Variants in CERS3 observed in about 807,000 individuals in gnomAD.
The protein encoded by CERS3 is LAG1 homolog, ceramide synthase 3.
A neutral mutation model predicts 50.3 loss-of-function variants in CERS3; 33 were observed. That is an observed-to-expected ratio of 0.66 (90% confidence interval 0.50 to 0.88). The LOEUF is 0.88. CERS3 is among the 40% of genes least tolerant of loss of function. CERS3 has a pLI of 0.00. For missense variants in CERS3, 470 were observed against 460.3 expected, an observed-to-expected ratio of 1.02 and a Z score of -0.19; for synonymous variants, 176 against 155.2, an observed-to-expected ratio of 1.13 and a Z score of -0.99.
At chr15:100,449,836 G>T (rs2034087830) in intron 11 of CERS3, among the ~76,000 whole-genome samples, 1 of 151,996 alleles carries the variant, frequency 6.6e-6, no homozygotes, top group African/African-American at 2.4e-5. Flanking sequence ...ACATAAAAAA[G>T]CAAGGAAATC....
chr15:100,523,484 A>G (rs901833510), intron 1 of CERS3, among the ~76,000 whole-genome samples: 44 of 152,136 alleles, frequency 2.9e-4, no homozygotes, highest in African/African-American at 9.9e-4. Context: ...AGCAGATCAC[A>G]AGGTCAGGAG....
chr15:100,402,983 A>C, intron 11 of CERS3, 118 bp from the exon 12 acceptor site: 3 of 983,900 alleles, frequency 3.0e-6, no homozygotes, highest in Non-Finnish European at 4.4e-6. Context: ...TATCCAAATA[A>C]CTAAACATTC....
In CERS3 at chr15:100,451,601, G is replaced by C. The variant is rs139432968; in HGVS notation, c.999+4292C>G. Among the ~76,000 whole-genome samples, 121 of 152,240 alleles carry C rather than the reference G, an allele frequency of 7.9e-4. 1 individual carries two copies. The highest frequency in any genetic ancestry group is 2.8e-3 in the African/African-American group (117 of 41,534). On this transcript the variant is annotated intron_variant, in intron 11 of 11. Coordinates refer to ENST00000679737, the MANE Select transcript of CERS3 (RefSeq NM_001378789.1). ...GGGCACCTGTAGTTCCACCTACTAGGAAGGCTGAGGTGGGAGAATGGCGTG... is the reference window on the plus strand; with the variant it reads ...GGGCACCTGTAGTTCCACCTACTAGCAAGGCTGAGGTGGGAGAATGGCGTG...
intron 11 of CERS3, among the ~76,000 whole-genome samples, chr15:100,418,390 A>G (rs1445458354): frequency 6.7e-6 from 1 of 149,804 alleles, no homozygotes; most frequent in Non-Finnish European, 1.5e-5. Context: ...AAAAAAGAAT[A>G]AAAAGAAATG....
intron 10 of CERS3, among the ~76,000 whole-genome samples, chr15:100,463,675 T>C (rs1321892303): frequency 1.3e-5 from 2 of 152,176 alleles, no homozygotes; most frequent in Middle Eastern, 3.4e-3. Flanking sequence ...GTAGAACAGG[T>C]AGTCTCCTTC....
chr15:100,500,965 T>C (rs1034906408), intron 3 of CERS3, among the ~76,000 whole-genome samples: 1 of 152,204 alleles, frequency 6.6e-6, no homozygotes, highest in Non-Finnish European at 1.5e-5. Context: ...AATAAATTAA[T>C]GTGCTAATAA....
At chr15:100,411,153 C>A (rs187120320) in intron 11 of CERS3, among the ~76,000 whole-genome samples, 2 of 152,094 alleles carry the variant, frequency 1.3e-5, no homozygotes, top group South Asian at 4.1e-4. Flanking sequence ...AAATTTCCTT[C>A]GTTTTGTTTT....
intron 1 of CERS3, among the ~76,000 whole-genome samples, chr15:100,543,687 G>C (rs889980867): frequency 6.6e-6 from 1 of 151,996 alleles, no homozygotes; most frequent in South Asian, 2.1e-4. Flanking sequence ...CCACCACCAC[G>C]CTCGGCTTAT....
intron 11 of CERS3, among the ~76,000 whole-genome samples, chr15:100,435,318 G>A (rs1188851480): frequency 1.3e-5 from 2 of 152,198 alleles, no homozygotes; most frequent in African/African-American, 2.4e-5. Context: ...GGGAAGACAG[G>A]TCTGCTGTTG....
intron 11 of CERS3, among the ~76,000 whole-genome samples, chr15:100,410,147 T>A (rs1340341809): frequency 6.6e-6 from 1 of 152,190 alleles, no homozygotes; most frequent in East Asian, 1.9e-4. Flanking sequence ...TGGAAGGGGA[T>A]GGTCATGATT....
chr15:100,427,455 A>G (rs1334255415), intron 11 of CERS3, among the ~76,000 whole-genome samples: 1 of 152,192 alleles, frequency 6.6e-6, no homozygotes, highest in African/African-American at 2.4e-5. Flanking sequence ...AGGCTATTCT[A>G]TACCAGAAAT....
Position 100,498,324 on chromosome 15 carries a change from T to C in CERS3, c.173+3353A>G, listed in dbSNP as rs143714610. On this transcript the variant is annotated intron_variant, in intron 3 of 11. Coordinates refer to ENST00000679737, the MANE Select transcript of CERS3 (RefSeq NM_001378789.1). ...AAGTGTAGATGAATATAAAGTCACT[T>C]AATTAAAAATCTATTTTGAAGAAGG... Among the ~76,000 whole-genome samples, 885 of 152,180 alleles carry C rather than the reference T, an allele frequency of 5.8e-3. 5 individuals are homozygous for C. The Middle Eastern group carries it at 0.058, about 10-fold the overall frequency.
chr15:100,486,645 T>A (rs1392810390), intron 4 of CERS3, among the ~76,000 whole-genome samples: 1 of 152,222 alleles, frequency 6.6e-6, no homozygotes, highest in East Asian at 1.9e-4. Flanking sequence ...TTCTGTTGGC[T>A]GGTGCACAGC....
intron 1 of CERS3, among the ~76,000 whole-genome samples, chr15:100,538,016 T>C (rs534599285): frequency 8.5e-5 from 13 of 152,348 alleles, no homozygotes; most frequent in African/African-American, 3.1e-4. Context: ...ACAAAGGGAC[T>C]ACAGGCCCTA....
chr15:100,539,354 A>G (rs1229620814), intron 1 of CERS3, among the ~76,000 whole-genome samples: 5 of 152,148 alleles, frequency 3.3e-5, no homozygotes, highest in African/African-American at 1.2e-4. Flanking sequence ...CTGCAGTACT[A>G]ATGTACTGTA....
Position 100,501,794 on chromosome 15 carries a change from G to T in CERS3, c.56C>A (p.Thr19Lys). ...FWLERFWLPP[T>K]IKWSDLEDHD... ...ATCCTCAAGATCTGACCACTTTATT[G>T]TTGGAGGAAGCCAGAATCTTTCCAA... Residue 19 changes from threonine to lysine, a missense_variant, in exon 3 of 12, where the codon ACA becomes AAA. Physicochemically the swap from Thr to Lys is moderately conservative, Grantham distance 78. Transcript: ENST00000679737. 1 of 1,614,114 alleles carries T rather than the reference G, an allele frequency of 6.2e-7. No individual in the cohort carries two copies. The highest frequency in any genetic ancestry group is 8.5e-7 in the Non-Finnish European group (1 of 1,179,954).
chr15:100,471,976 G>A lies in CERS3; in HGVS notation c.738+948C>T, dbSNP rs151243153. On this transcript the variant is annotated intron_variant, in intron 9 of 11. Coordinates refer to ENST00000679737, the MANE Select transcript of CERS3 (RefSeq NM_001378789.1). ...GAAAAAGCAAAAAACAAAAAACACAGAAGAATATGTGACAGAGATCATACG... is the reference window on the plus strand; with the variant it reads ...GAAAAAGCAAAAAACAAAAAACACAAAAGAATATGTGACAGAGATCATACG... 4.0e-3 allele frequency among the ~76,000 whole-genome samples: 613 copies of A among 152,260 alleles called. 7 individuals carry two copies. Among genetic ancestry groups the A allele is most frequent in the African/African-American group, 0.014 (582 of 41,546 alleles).
At chr15:100,442,003 T>A (rs908790518) in intron 11 of CERS3, among the ~76,000 whole-genome samples, 7 of 152,062 alleles carry the variant, frequency 4.6e-5, no homozygotes, top group Admixed American at 3.3e-4. Context: ...ATATAATACT[T>A]ATATCACCTC....
chr15:100,518,986 A>G (rs1273933497), intron 2 of CERS3, among the ~76,000 whole-genome samples: 1 of 152,086 alleles, frequency 6.6e-6, no homozygotes, highest in Non-Finnish European at 1.5e-5. Context: ...ACATGGTGAA[A>G]CCGTCTCTAC....
Sources: gnomAD v4.1 joint callset for allele counts (sites outside exome capture counted in the v4.1 genomes callset) on GRCh38, gnomAD v4.1.1 for gene constraint, MANE v1.5 for transcripts, NCBI Gene and HGNC (gene_info 2026-07-23, HGNC 2026-07-21) for gene names.